AWAT2: variants seen among roughly 807,000 people sequenced by gnomAD.
AWAT2 encodes acyl-CoA wax alcohol acyltransferase 2, also known as 11-cis-RE-synthase.
Under a neutral mutation model 22.3 loss-of-function variants are expected in AWAT2, and 9 were observed. The ratio of observed to expected loss-of-function variants is 0.40; its 90% CI spans 0.24 to 0.70. AWAT2 has a LOEUF of 0.70. AWAT2 is among the 30% of genes least tolerant of loss of function. The pLI is 0.36. For synonymous variants in AWAT2, 100 were observed against 93.4 expected, an observed-to-expected ratio of 1.07 and a Z score of -0.40; for missense variants, 217 against 265.9, an observed-to-expected ratio of 0.82 and a Z score of 1.28.
Position 70,042,495 on chromosome X carries a change from C to A in AWAT2, c.648-109G>T, listed in dbSNP as rs55925441. ...TGGGTCTGCCTACAGGCTTCTCAGACCCCAGTCCAGCTGTGCCTAGGTCCA... is the reference window on the plus strand; with the variant it reads ...TGGGTCTGCCTACAGGCTTCTCAGAACCCAGTCCAGCTGTGCCTAGGTCCA... On this transcript the variant is annotated intron_variant, in intron 5 of 7. Coordinates refer to ENST00000276101, the MANE Select transcript of AWAT2 (RefSeq NM_001002254.1). 5.2e-3 allele frequency: 4,093 copies of A among 781,878 alleles called. 8 individuals are homozygous for A. Among genetic ancestry groups the A allele is most frequent in the Non-Finnish European group, 6.7e-3 (3,517 of 527,944 alleles). The allele number at this position is 781,878 out of a possible 1,213,427, so 64.4% of individuals were successfully genotyped here. A position where few individuals can be genotyped will look rare whatever the true frequency, so the allele number is the denominator to read the frequency against.
At chrX:70,048,644 A>G (rs1391449565) in intron 1 of AWAT2, among the ~76,000 whole-genome samples, 1 of 112,263 alleles carries the variant, frequency 8.9e-6, no homozygotes, top group Non-Finnish European at 1.9e-5. Context: ...ATAAACATGA[A>G]AAGATGCTCA....
intron 2 of AWAT2, 69 bp downstream of exon 2, chrX:70,044,283 C>A: frequency 8.5e-7 from 1 of 1,175,323 alleles, no homozygotes; most frequent in Admixed American, 2.4e-5. Flanking sequence ...CAGAGCCTCT[C>A]AGGATTGTGA....
chrX:70,047,213 T>C (rs2020368235), intron 1 of AWAT2, among the ~76,000 whole-genome samples: 1 of 112,323 alleles, frequency 8.9e-6, no homozygotes, highest in Non-Finnish European at 1.9e-5. Flanking sequence ...TCATCTTCCA[T>C]ATTAGGAAGT....
In AWAT2 at chrX:70,047,600, T is replaced by C. The variant is rs751233201; in HGVS notation, c.85+2248A>G. On this transcript the variant is annotated intron_variant, in intron 1 of 7. Transcript: ENST00000276101. ...GACGTTGCTGAACCTCAGTTCCTCA[T>C]CTGCAAGATGGGAACTAAAATACCA... Among the ~76,000 whole-genome samples, 3 of 112,071 alleles carry C rather than the reference T, an allele frequency of 2.7e-5. No individual in the cohort carries two copies. In the East Asian group the frequency reaches 8.5e-4, roughly 32 times the overall value.
intron 1 of AWAT2, among the ~76,000 whole-genome samples, chrX:70,048,987 C>T (rs1454633590): frequency 8.9e-6 from 1 of 111,891 alleles, no homozygotes; most frequent in Non-Finnish European, 1.9e-5. Context: ...GATTAATACA[C>T]CCTGAATGCT....
At chrX:70,042,531 G>A (rs777658368) in intron 5 of AWAT2, 145 bp from the exon 6 acceptor site, 5 of 595,615 alleles carry the variant, frequency 8.4e-6, no homozygotes. Context: ...AGTTGAGTGT[G>A]GGGGCTCCAT....
chrX:70,046,214 G>T (rs1435827600), intron 1 of AWAT2, among the ~76,000 whole-genome samples: 1 of 111,885 alleles, frequency 8.9e-6, no homozygotes, highest in Non-Finnish European at 1.9e-5. Context: ...GATAATAAAA[G>T]AAATGTAAAA....
chrX:70,042,639 A>C lies in AWAT2; in HGVS notation c.648-253T>G. On this transcript the variant is annotated intron_variant, in intron 5 of 7. Transcript: ENST00000276101. ...GGAACCCCTGGGTCTGAAACGCTGGAAAGTAAGACCCAAGGGCCATGCCAG... is the reference window on the plus strand; with the variant it reads ...GGAACCCCTGGGTCTGAAACGCTGGCAAGTAAGACCCAAGGGCCATGCCAG... 2 of 441,379 alleles carry C rather than the reference A, an allele frequency of 4.5e-6. 1 individual carries two copies. The highest frequency in any genetic ancestry group is 1.2e-3 in the Middle Eastern group (2 of 1,617). 36.4% of individuals were successfully genotyped at this position (441,379 alleles called of 1,213,427 possible).
chrX:70,042,212 G>A lies in AWAT2; in HGVS notation c.822C>T (p.Pro274=). Residue 274 remains proline (P), a synonymous_variant, in exon 6 of 8, where the codon CCC becomes CCT. Coordinates refer to ENST00000276101, the MANE Select transcript of AWAT2 (RefSeq NM_001002254.1). ...GFTKNSWGLL[P]YSRPVTTIVG... is the part of the protein sequence containing the mutation. ...CGATGGTGGTTACAGGCCGACTATA[G>A]GGCAGAAGGCCCCAGGAGTTCTTGG... is the stretch of plus-strand genomic sequence containing the variant. The A allele has an allele frequency of 1.7e-6, 2 of 1,210,253 alleles. No homozygotes were observed. Among genetic ancestry groups the A allele is most frequent in the Non-Finnish European group, 2.2e-6 (2 of 894,860 alleles).
chrX:70,042,210 T>C lies in AWAT2; in HGVS notation c.824A>G (p.Tyr275Cys). Residue 275 changes from tyrosine (Y) to cysteine (C), a missense_variant, in exon 6 of 8, where the codon TAT becomes TGT. Physicochemically the swap from Tyr to Cys is radical, Grantham distance 194. Coordinates refer to ENST00000276101, the MANE Select transcript of AWAT2 (RefSeq NM_001002254.1). ...ACCGATGGTGGTTACAGGCCGACTA[T>C]AGGGCAGAAGGCCCCAGGAGTTCTT... ...FTKNSWGLLP[Y>C]SRPVTTIVGE... 8.3e-7 allele frequency: 1 copy of C among 1,209,557 alleles called. No homozygotes were observed. Among genetic ancestry groups the C allele is most frequent in the Non-Finnish European group, 1.1e-6 (1 of 894,654 alleles).
intron 1 of AWAT2, among the ~76,000 whole-genome samples, chrX:70,047,014 A>G (rs2382966): frequency 0.28 from 31,495 of 110,969 alleles, 3,511 homozygotes; most frequent in Non-Finnish European, 0.35. Flanking sequence ...ATAAAATAAA[A>G]TGAGGCAATT....
At chrX:70,042,615 G>GA in intron 5 of AWAT2, 1 of 453,860 alleles carries the variant, frequency 2.2e-6, no homozygotes, top group Non-Finnish European at 3.9e-6. Flanking sequence ...ACCCTCCTGG[G>GA]AACCCCTGGG....
At position 70,043,225 on chromosome X, in the gene AWAT2, C is replaced by T. The variant is rs769015502; in HGVS notation, c.491G>A (p.Arg164Gln). 5.8e-6 allele frequency: 7 copies of T among 1,202,565 alleles called. No individual in the cohort carries two copies. Among genetic ancestry groups the T allele is most frequent in the East Asian group, 3.0e-5 (1 of 33,626 alleles). Residue 164 changes from arginine to glutamine, a missense_variant, in exon 5 of 8, where the codon CGA becomes CAA. Physicochemically the swap from Arg to Gln is conservative, Grantham distance 43. Transcript: ENST00000276101. Reference sequence around the variant, plus strand: ...AGTCAGCAGAAAGTCAATGGAGGATCGACTCACAGAGCAGGCCCCTGGTGG... The same window carrying T: ...AGTCAGCAGAAAGTCAATGGAGGATTGACTCACAGAGCAGGCCCCTGGTGG... ...VMSTGACSVS[R>Q]SSIDFLLTHK...
At chrX:70,044,061 C>G in intron 2 of AWAT2, 65 bp from the exon 3 acceptor site, 1 of 1,085,964 alleles carries the variant, frequency 9.2e-7, no homozygotes, top group South Asian at 2.1e-5. Context: ...CCAGGGTGCT[C>G]TCACCCCCTG....
At chrX:70,044,950 G>C (rs1602631028) in intron 1 of AWAT2, among the ~76,000 whole-genome samples, 1 of 112,557 alleles carries the variant, frequency 8.9e-6, no homozygotes, top group Non-Finnish European at 1.9e-5. Context: ...GGCAAACAAA[G>C]AAAAATACAA....
chrX:70,045,035 A>C (rs1187029497), intron 1 of AWAT2, among the ~76,000 whole-genome samples: 1 of 112,513 alleles, frequency 8.9e-6, no homozygotes, highest in Non-Finnish European at 1.9e-5. Context: ...CATGGTTAGG[A>C]AGAGTTACTA....
intron 1 of AWAT2, among the ~76,000 whole-genome samples, chrX:70,045,961 C>A (rs1317101060): frequency 9.0e-6 from 1 of 111,524 alleles, no homozygotes; most frequent in East Asian, 2.8e-4. Context: ...CCATCACTTG[C>A]ACAGCCCTGA....
chrX:70,047,519 G>A (rs886171803), intron 1 of AWAT2, among the ~76,000 whole-genome samples: 1 of 112,038 alleles, frequency 8.9e-6, no homozygotes, highest in African/African-American at 3.2e-5. Context: ...GGCCTCAGGT[G>A]GGGTGCCCTG....
At chrX:70,049,280 C>T (rs2020382585) in intron 1 of AWAT2, among the ~76,000 whole-genome samples, 1 of 112,396 alleles carries the variant, frequency 8.9e-6, no homozygotes, top group African/African-American at 3.2e-5. Flanking sequence ...TCCAGGACCC[C>T]TTCCCACAGT....
Sources: allele counts gnomAD v4.1 joint callset (sites outside exome capture counted in the v4.1 genomes callset), GRCh38; gene constraint gnomAD v4.1.1; transcripts MANE v1.5; gene names NCBI Gene and HGNC (gene_info 2026-07-23, HGNC 2026-07-21).